Variants in CARS2 observed in about 807,000 individuals in gnomAD.
The protein encoded by CARS2 is cysteinyl-tRNA synthetase 2, mitochondrial.
CARS2 carries 52 observed loss-of-function variants against 68.8 expected under a neutral mutation model. The ratio of observed to expected loss-of-function variants is 0.76; its 90% CI spans 0.61 to 0.95. CARS2 has a LOEUF of 0.95. Ranked by LOEUF, CARS2 falls within the 40% of genes least tolerant of loss-of-function variation. CARS2 has a pLI of 0.00. For synonymous variants in CARS2, 314 were observed against 303.6 expected, an observed-to-expected ratio of 1.03 and a Z score of -0.36; for missense variants, 780 against 754.2, an observed-to-expected ratio of 1.03 and a Z score of -0.40.
At chr13:110,671,597 C>T (rs1299881428) in intron 7 of CARS2, among the ~76,000 whole-genome samples, 3 of 152,206 alleles carry the variant, frequency 2.0e-5, no homozygotes, top group Non-Finnish European at 4.4e-5. Flanking sequence ...CCAGTACCAG[C>T]CACTGCAAAA....
intron 3 of CARS2, among the ~76,000 whole-genome samples, chr13:110,692,723 G>A (rs1251442631): frequency 1.3e-5 from 2 of 152,074 alleles, no homozygotes; most frequent in African/African-American, 4.8e-5. Context: ...GCTGAGGCAG[G>A]AGGATCACTT....
chr13:110,679,059 G>A (rs936037364), intron 6 of CARS2, among the ~76,000 whole-genome samples: 1 of 23,594 alleles, frequency 4.2e-5, no homozygotes, highest in African/African-American at 1.7e-4. Flanking sequence ...CAGACAGAGG[G>A]GTTAATGAAA....
At chr13:110,709,385 T>A (rs2064008858), upstream of CARS2, among the ~76,000 whole-genome samples, 1 of 152,120 alleles carries the variant, frequency 6.6e-6, no homozygotes, top group Non-Finnish European at 1.5e-5. Flanking sequence ...TGAGCCACCG[T>A]GCCCGGCAGC....
At position 110,713,492 on chromosome 13, in the gene CARS2, C is replaced by A. The variant is rs569027963; in HGVS notation, n.44G>T. 48 of 987,484 alleles carry A rather than the reference C, an allele frequency of 4.9e-5. No homozygotes were observed. In the African/African-American group the frequency reaches 7.0e-4, roughly 14 times the overall value. 61.2% of individuals were successfully genotyped at this position (987,484 alleles called of 1,614,324 possible). A position where few individuals can be genotyped will look rare whatever the true frequency, so the allele number is the denominator to read the frequency against. On this transcript the variant is annotated non_coding_transcript_exon_variant, in exon 1 of 3. Transcript: ENST00000485188. ...CACACCCCAGCGGCCCTGACGCTGT[C>A]CCCTCCGCGACCCTCGCCTCTGGAA...
intron 2 of CARS2, among the ~76,000 whole-genome samples, chr13:110,703,492 A>G (rs1232692496): frequency 2.6e-5 from 4 of 152,324 alleles, no homozygotes; most frequent in African/African-American, 7.2e-5. Flanking sequence ...ACATGCATTC[A>G]GCTGCGCACT....
intron 13 of CARS2, 200 bp from the exon 14 acceptor site, chr13:110,642,721 T>A (rs779828845): frequency 1.3e-6 from 1 of 758,322 alleles, no homozygotes. Flanking sequence ...TCCACTCAAC[T>A]CTGAGCATCT....
At chr13:110,684,037 G>A (rs2063227485) in intron 5 of CARS2, among the ~76,000 whole-genome samples, 1 of 152,172 alleles carries the variant, frequency 6.6e-6, no homozygotes, top group East Asian at 1.9e-4. Context: ...CAGAGTGGGA[G>A]CTTTGTCAAG....
chr13:110,705,877 C>A lies in CARS2; in HGVS notation c.217G>T (p.Ala73Ser), dbSNP rs761282112. 3 of 1,560,996 alleles carry A rather than the reference C, an allele frequency of 1.9e-6. No individual in the cohort carries two copies. The highest frequency in any genetic ancestry group is 1.4e-5 in the African/African-American group (1 of 73,566). The change falls in exon 1 of 15, where the codon GCC becomes TCC. Residue 73 changes from alanine (A) to serine (S), a missense_variant. Ala to Ser is a moderately conservative substitution (Grantham distance 99). Coordinates refer to ENST00000257347, the MANE Select transcript of CARS2 (RefSeq NM_024537.4). The surrounding 1 kb of genome is among the most constrained non-coding windows in gnomAD (Gnocchi z 4.0). ...EPLIVAHAEA[A>S]SWYSCGPTVY... ...CAGTCCCGCGCGGCCCACCAGGAGG[C>A]GGCTTCGGCGTGCGCCACGATTAGG...
At chr13:110,662,323 A>G (rs552631493) in intron 9 of CARS2, among the ~76,000 whole-genome samples, 30,392 of 145,310 alleles carry the variant, frequency 0.21, 3,519 homozygotes, top group Admixed American at 0.31. Context: ...CCGGCTTCGG[A>G]CCCCCTTCTG....
intron 3 of CARS2, among the ~76,000 whole-genome samples, chr13:110,696,268 T>C (rs963976739): frequency 4.1e-5 from 6 of 147,484 alleles, no homozygotes; most frequent in African/African-American, 1.6e-4. Flanking sequence ...TGATTTATAA[T>C]CCTTTGGGTA....
chr13:110,705,394 A>G lies in CARS2; in HGVS notation c.275+127T>C. ...CAAATGAGGTTGTAACATTTCCCACAATGCCTGGAATGTAGGAATTATTCT... is the reference window on the plus strand; with the variant it reads ...CAAATGAGGTTGTAACATTTCCCACGATGCCTGGAATGTAGGAATTATTCT... On this transcript the variant is annotated intron_variant, in intron 2 of 14. Transcript: ENST00000257347. This position sits in a 1 kb window ranked among gnomAD's most constrained non-coding sequence, Gnocchi z 4.0. 1.5e-6 allele frequency: 1 copy of G among 661,864 alleles called. No homozygotes were observed. Among genetic ancestry groups the G allele is most frequent in the South Asian group, 2.0e-5 (1 of 49,426 alleles). 41.0% of individuals were successfully genotyped at this position (661,864 alleles called of 1,614,324 possible).
chr13:110,660,005 C>T (rs1051137982), intron 9 of CARS2, among the ~76,000 whole-genome samples: 1 of 152,230 alleles, frequency 6.6e-6, no homozygotes, highest in Non-Finnish European at 1.5e-5. Context: ...CCTCTCAAAC[C>T]CTGCCATTGC....
intron 9 of CARS2, among the ~76,000 whole-genome samples, chr13:110,655,167 T>C (rs1225718231): frequency 6.6e-6 from 1 of 152,066 alleles, no homozygotes; most frequent in African/African-American, 2.4e-5. Flanking sequence ...CACTAATCAT[T>C]AGATGTGCAC....
At chr13:110,700,868 C>T (rs1364813011) in intron 3 of CARS2, among the ~76,000 whole-genome samples, 1 of 152,152 alleles carries the variant, frequency 6.6e-6, no homozygotes, top group Admixed American at 6.5e-5. Flanking sequence ...CAGGAGACGA[C>T]CACAGAAGGA....
intron 9 of CARS2, among the ~76,000 whole-genome samples, chr13:110,654,921 C>CAAAAAAAAAAAAAGA: frequency 1.2e-5 from 1 of 83,856 alleles, no homozygotes; most frequent in Non-Finnish European, 2.4e-5. Context: ...AACCCTCTCT[C>CAAAAAAAAAAAAAGA]AAAAAAAAAA....
At chr13:110,679,593 AAGAAAGAGAG>A (rs1235857254) in intron 6 of CARS2, among the ~76,000 whole-genome samples, 835 of 28,126 alleles carry the variant, frequency 0.03, 6 homozygotes, top group South Asian at 0.061. Context: ...GAAAGAAAGA[AAGAAAGAGAG>A]AGAGAGAGAG....
chr13:110,685,992 G>GAAAAAAAAAAAAAAAGA (rs2063291806), intron 5 of CARS2, among the ~76,000 whole-genome samples: 1 of 128,802 alleles, frequency 7.8e-6, no homozygotes, highest in Non-Finnish European at 1.6e-5. Flanking sequence ...CAGAAAAAAT[G>GAAAAAAAAAAAAAAAGA]AAAAAAAAAA....
intron 13 of CARS2, chr13:110,642,807 T>C (rs747867999): frequency 1.5e-6 from 1 of 676,848 alleles, no homozygotes; most frequent in Non-Finnish European, 2.7e-6. Flanking sequence ...CGCCCCGCCC[T>C]GAACACAAAC....
At chr13:110,659,016 G>C (rs529147103) in intron 9 of CARS2, among the ~76,000 whole-genome samples, 1 of 152,086 alleles carries the variant, frequency 6.6e-6, no homozygotes, top group Non-Finnish European at 1.5e-5. Context: ...GATTATGTAG[G>C]AAAGCATCCT....
Sources: gnomAD v4.1 joint callset for allele counts (sites outside exome capture counted in the v4.1 genomes callset) on GRCh38, gnomAD v4.1.1 for gene constraint, Gnocchi (gnomAD v3.1) non-coding constraint, MANE v1.5 for transcripts, NCBI Gene and HGNC (gene_info 2026-07-23, HGNC 2026-07-21) for gene names.